Variants in CSMD3 observed in about 807,000 individuals in gnomAD.
CSMD3 encodes the protein CUB and Sushi multiple domains 3, also known as CUB and sushi domain-containing protein 3.
In CSMD3, 177 loss-of-function variants were observed where a neutral mutation model predicts 435.2. The observed-to-expected ratio is 0.41, with a 90% CI of 0.36 to 0.46. The LOEUF is 0.46. Ranked by LOEUF, CSMD3 falls within the 20% of genes least tolerant of loss-of-function variation. The pLI, the probability that CSMD3 is intolerant of heterozygous loss-of-function variation, is 0.34. For missense variants in CSMD3, 4,265 were observed against 4,504.6 expected (o/e 0.95, Z 1.52); for synonymous variants, 1,656 against 1,520.5 (o/e 1.09, Z -2.07).
intron 10 of CSMD3, among the ~76,000 whole-genome samples, chr8:112,876,615 T>C (rs1587547628): frequency 6.6e-6 from 1 of 152,064 alleles, no homozygotes; most frequent in Non-Finnish European, 1.5e-5. Context: ...ATAAAAGGCC[T>C]TCGATAAAAT....
rs2130023520 is a variant in CSMD3, at chr8:112,406,580, C to T, written c.5753G>A (p.Cys1918Tyr). The T allele has an allele frequency of 6.2e-7, 1 of 1,612,736 alleles. No individual in the cohort carries two copies. The highest frequency in any genetic ancestry group is 8.5e-7 in the Non-Finnish European group (1 of 1,179,054). ...YILHGSIAIR[C>Y]ETVPNSLAQW... ...GGCCAAAGAATTGGGCACTGTTTCACACCTAATTGCTATGGATCCATGGAG... is the reference window on the plus strand; with the variant it reads ...GGCCAAAGAATTGGGCACTGTTTCATACCTAATTGCTATGGATCCATGGAG... The change falls in exon 35 of 71, where the codon TGT (cysteine) becomes TAT (tyrosine). Residue 1918 changes from cysteine to tyrosine, a missense_variant. Physicochemically the swap from Cys to Tyr is radical, Grantham distance 194 (BLOSUM62 -2). This residue lies in a region of CSMD3 where 3,255 missense variants were observed against 3,380.2 expected (regional missense o/e 0.96). Coordinates refer to ENST00000297405, the MANE Select transcript of CSMD3 (RefSeq NM_198123.2).
At chr8:112,523,425 T>C (rs1391743472) in intron 27 of CSMD3, among the ~76,000 whole-genome samples, 1 of 152,058 alleles carries the variant, frequency 6.6e-6, no homozygotes, top group Non-Finnish European at 1.5e-5. Flanking sequence ...GTATAGGTTT[T>C]CTAAGCAGTA....
chr8:113,251,712 TA>T, intron 3 of CSMD3, among the ~76,000 whole-genome samples: 1 of 152,156 alleles, frequency 6.6e-6, no homozygotes, highest in African/African-American at 2.4e-5. Context: ...TTAAACACAC[TA>T]ATGTTACATG....
intron 38 of CSMD3, among the ~76,000 whole-genome samples, chr8:112,357,892 T>TA (rs1287759812): frequency 1.3e-5 from 2 of 152,182 alleles, no homozygotes; most frequent in Admixed American, 1.3e-4. Context: ...ACAGAGTCCC[T>TA]ACTGGGGCAC....
intron 5 of CSMD3, among the ~76,000 whole-genome samples, chr8:113,057,937 C>T (rs1037902345): frequency 6.6e-6 from 1 of 151,498 alleles, no homozygotes; most frequent in African/African-American, 2.4e-5. Context: ...AAATAAAAGA[C>T]TAAAATAGAA....
At chr8:113,308,467 A>G (rs930107488) in intron 2 of CSMD3, among the ~76,000 whole-genome samples, 3 of 151,314 alleles carry the variant, frequency 2.0e-5, no homozygotes, top group Admixed American at 1.3e-4. Context: ...ACGGGCTTTC[A>G]CTGTGTTAGC....
intron 1 of CSMD3, among the ~76,000 whole-genome samples, chr8:113,371,845 T>A (rs2094347712): frequency 6.6e-6 from 1 of 152,164 alleles, no homozygotes; most frequent in Non-Finnish European, 1.5e-5. Context: ...TGAATAGTGG[T>A]TTTTAGCTTG....
At position 113,221,043 on chromosome 8, in the gene CSMD3, C is replaced by T. The variant is rs1007011867; in HGVS notation, c.515-47127G>A. 4.6e-5 allele frequency among the ~76,000 whole-genome samples: 7 copies of T among 151,266 alleles called. No individual in the cohort carries two copies. In the South Asian group the frequency reaches 6.2e-4, roughly 13 times the overall value. On this transcript the variant is annotated intron_variant, in intron 3 of 70. Transcript: ENST00000297405. ...ATATCAATGTCATAAACTAGAAAGC[C>T]TATGTAAATATTTCAGATGAAAGGA...
chr8:112,444,278 C>A (rs1815357957), intron 32 of CSMD3, among the ~76,000 whole-genome samples: 1 of 152,128 alleles, frequency 6.6e-6, no homozygotes, highest in Non-Finnish European at 1.5e-5. Flanking sequence ...AATGGTTAAC[C>A]ACTTTGGGAA....
intron 60 of CSMD3, among the ~76,000 whole-genome samples, chr8:112,264,181 G>C (rs1277083483): frequency 6.6e-6 from 1 of 152,026 alleles, no homozygotes; most frequent in African/African-American, 2.4e-5. Flanking sequence ...CAAGACTTGG[G>C]TTGTTTAACT....
intron 1 of CSMD3, among the ~76,000 whole-genome samples, chr8:113,386,874 T>C (rs183920005): frequency 6.8e-4 from 103 of 151,928 alleles, no homozygotes; most frequent in African/African-American, 2.3e-3. Context: ...CAGAAAGTCA[T>C]TGTGCCGAAG....
intron 70 of CSMD3, among the ~76,000 whole-genome samples, chr8:112,227,770 C>T (rs985582609): frequency 1.3e-5 from 2 of 152,060 alleles, no homozygotes; most frequent in African/African-American, 2.4e-5. Flanking sequence ...ATCAATTTTG[C>T]GGTGGCTCAC....
At chr8:112,418,745 A>T (rs939737792) in intron 32 of CSMD3, among the ~76,000 whole-genome samples, 6 of 152,176 alleles carry the variant, frequency 3.9e-5, no homozygotes, top group Admixed American at 2.6e-4. Flanking sequence ...TTTAGATAGA[A>T]GTTACATTAA....
chr8:113,212,863 T>C (rs1206536505), intron 3 of CSMD3, among the ~76,000 whole-genome samples: 2 of 148,934 alleles, frequency 1.3e-5, no homozygotes, highest in Admixed American at 6.8e-5. Flanking sequence ...ATTATGCACA[T>C]GCACCCTAGA....
chr8:112,839,056 T>C (rs1479336953), intron 11 of CSMD3, among the ~76,000 whole-genome samples: 1 of 151,730 alleles, frequency 6.6e-6, no homozygotes, highest in Non-Finnish European at 1.5e-5. Flanking sequence ...ACAGAATATA[T>C]ATCCCAAGAC....
intron 3 of CSMD3, among the ~76,000 whole-genome samples, chr8:113,230,673 T>C (rs953521329): frequency 1.3e-5 from 2 of 151,624 alleles, no homozygotes; most frequent in Non-Finnish European, 3.0e-5. Flanking sequence ...GCATCCCCTG[T>C]TATTAATGTC....
intron 4 of CSMD3, among the ~76,000 whole-genome samples, chr8:113,113,449 G>C (rs1397005011): frequency 6.6e-6 from 1 of 152,142 alleles, no homozygotes; most frequent in African/African-American, 2.4e-5. Flanking sequence ...TAGAAAAAAA[G>C]ATAGAAAATA....
intron 2 of CSMD3, among the ~76,000 whole-genome samples, chr8:113,295,821 C>T (rs1029556558): frequency 5.3e-5 from 8 of 152,154 alleles, no homozygotes; most frequent in African/African-American, 1.9e-4. Flanking sequence ...GATTATAAAT[C>T]ATGCTGCTAT....
intron 38 of CSMD3, among the ~76,000 whole-genome samples, chr8:112,360,305 C>T (rs191325858): frequency 8.6e-5 from 13 of 151,964 alleles, no homozygotes; most frequent in East Asian, 1.9e-4. Context: ...AATCCAGTAG[C>T]GACAGTTTCC....
Sources: gnomAD v4.1 joint callset for allele counts (sites outside exome capture counted in the v4.1 genomes callset) on GRCh38, gnomAD v4.1.1 for gene constraint, gnomAD v4.1.1 regional missense constraint, MANE v1.5 for transcripts, NCBI Gene and HGNC (gene_info 2026-07-23, HGNC 2026-07-21) for gene names.